The following DLGAP2 variants were observed in gnomAD, a reference collection of about 807,000 sequenced individuals.
DLGAP2 encodes the protein disks large-associated protein 2.
DLGAP2 carries 26 observed loss-of-function variants against 100.3 expected under a neutral mutation model. That is an observed-to-expected ratio of 0.26 (90% CI 0.19 to 0.36). The LOEUF (loss-of-function observed/expected upper bound fraction) is 0.36. DLGAP2 is among the 10% of genes least tolerant of loss of function. The pLI, the probability that DLGAP2 is intolerant of heterozygous loss-of-function variation, is 1.00. For synonymous variants in DLGAP2, 886 were observed against 630.1 expected (o/e 1.41, Z -6.08); for missense variants, 1,858 against 1,453.2 (o/e 1.28, Z -4.53).
intron 3 of DLGAP2, among the ~76,000 whole-genome samples, chr8:1,484,026 C>T (rs916968986): frequency 6.6e-6 from 1 of 152,226 alleles, no homozygotes; most frequent in Non-Finnish European, 1.5e-5. Flanking sequence ...AAACACTGTT[C>T]TAGGAAGAGG....
intron 4 of DLGAP2, 51 bp from the exon 5 acceptor site, chr8:1,548,575 G>C: frequency 7.0e-7 from 1 of 1,431,600 alleles, no homozygotes; most frequent in South Asian, 1.4e-5. Flanking sequence ...CCGCACCTGA[G>C]GGTTTCCGCC....
chr8:1,376,410 C>G (rs879406448), intron 3 of DLGAP2, among the ~76,000 whole-genome samples: 1 of 152,262 alleles, frequency 6.6e-6, no homozygotes, highest in Non-Finnish European at 1.5e-5. Context: ...AAGCGCCCCG[C>G]TGCATGGCCT....
At chr8:1,687,489 T>A (rs557748494) in intron 12 of DLGAP2, among the ~76,000 whole-genome samples, 1 of 152,322 alleles carries the variant, frequency 6.6e-6, no homozygotes, top group South Asian at 2.1e-4. Context: ...AGGAAGCTAC[T>A]TACATTATAG....
intron 2 of DLGAP2, among the ~76,000 whole-genome samples, chr8:1,028,088 TC>T: frequency 7.2e-6 from 1 of 139,676 alleles, no homozygotes; most frequent in Non-Finnish European, 1.5e-5. Flanking sequence ...CCCGTTATTC[TC>T]CAGGTGGGGT....
chr8:936,006 T>G (rs1157017735), intron 2 of DLGAP2, among the ~76,000 whole-genome samples: 2 of 152,178 alleles, frequency 1.3e-5, no homozygotes, highest in Non-Finnish European at 2.9e-5. Context: ...GGAAGTTCAT[T>G]AAAATGACCG....
At chr8:1,428,461 C>CTGGGG (rs943739496) in intron 3 of DLGAP2, among the ~76,000 whole-genome samples, 10 of 151,852 alleles carry the variant, frequency 6.6e-5, no homozygotes, top group African/African-American at 2.4e-4. Flanking sequence ...CCAGGGAATA[C>CTGGGG]AAAAGAGGGG....
intron 2 of DLGAP2, among the ~76,000 whole-genome samples, chr8:1,149,838 G>T (rs1372030545): frequency 6.6e-6 from 1 of 152,064 alleles, no homozygotes; most frequent in African/African-American, 2.4e-5. Flanking sequence ...AGTTCCTGAG[G>T]ATCACCACAG....
chr8:1,331,481 C>T (rs546835375), intron 3 of DLGAP2, among the ~76,000 whole-genome samples: 1 of 152,302 alleles, frequency 6.6e-6, no homozygotes, highest in South Asian at 2.1e-4. Flanking sequence ...ACTCCTCCTG[C>T]CCAGGGAAGC....
chr8:1,577,151 C>A (rs1329388619), intron 6 of DLGAP2, among the ~76,000 whole-genome samples: 11 of 152,190 alleles, frequency 7.2e-5, no homozygotes, highest in Non-Finnish European at 1.0e-4. Context: ...GTTCTCATCA[C>A]AAAAAATGTG....
chr8:1,052,792 TG>T (rs745489468), intron 2 of DLGAP2, among the ~76,000 whole-genome samples: 6 of 152,104 alleles, frequency 3.9e-5, no homozygotes, highest in Admixed American at 1.3e-4. Flanking sequence ...TAAGAGAGGC[TG>T]GGAGCATTTC....
intron 4 of DLGAP2, among the ~76,000 whole-genome samples, chr8:1,512,403 C>T (rs1584971586): frequency 1.3e-5 from 2 of 152,286 alleles, no homozygotes; most frequent in South Asian, 2.1e-4. Context: ...TGGAAATCGT[C>T]GGCGGCATAG....
chr8:1,484,493 G>C (rs1240088407), intron 3 of DLGAP2, among the ~76,000 whole-genome samples: 2 of 152,244 alleles, frequency 1.3e-5, no homozygotes, highest in East Asian at 3.9e-4. Context: ...CGCCGACCCA[G>C]GGTCCTCCAT....
intron 2 of DLGAP2, among the ~76,000 whole-genome samples, chr8:1,163,218 C>T (rs1290033881): frequency 4.6e-5 from 7 of 152,212 alleles, no homozygotes; most frequent in African/African-American, 1.2e-4. Context: ...GAAAAACTGA[C>T]GATGGCAGCT....
At chr8:1,065,187 G>T (rs966454853) in intron 2 of DLGAP2, among the ~76,000 whole-genome samples, 1 of 152,138 alleles carries the variant, frequency 6.6e-6, no homozygotes, top group Non-Finnish European at 1.5e-5. Flanking sequence ...CCCAGTGTTC[G>T]CTGAAGCTGT....
At chr8:917,402 C>G (rs1022071978) in intron 2 of DLGAP2, among the ~76,000 whole-genome samples, 1 of 152,068 alleles carries the variant, frequency 6.6e-6, no homozygotes, top group Non-Finnish European at 1.5e-5. Flanking sequence ...CCACACCCAG[C>G]TAATTTTTGA....
intron 1 of DLGAP2, among the ~76,000 whole-genome samples, chr8:871,588 C>A (rs141192357): frequency 6.6e-6 from 1 of 152,136 alleles, no homozygotes; most frequent in South Asian, 2.1e-4. Context: ...GCTTCCAAAA[C>A]CTTTAGAGAG....
chr8:1,032,971 G>C (rs927694561), intron 2 of DLGAP2: 3 of 152,280 alleles, frequency 2.0e-5, no homozygotes, highest in Non-Finnish European at 1.5e-5. Context: ...CTGGTGTTCA[G>C]ATACCCAAAG....
intron 3 of DLGAP2, among the ~76,000 whole-genome samples, chr8:1,325,812 C>G (rs1377679249): frequency 6.6e-6 from 1 of 152,210 alleles, no homozygotes; most frequent in Non-Finnish European, 1.5e-5. Context: ...TTGTCGTCAG[C>G]TCCTTTTGGA....
chr8:878,281 C>G (rs1257668829), intron 1 of DLGAP2, among the ~76,000 whole-genome samples: 2 of 152,056 alleles, frequency 1.3e-5, no homozygotes, highest in Admixed American at 6.6e-5. Flanking sequence ...GGATATAGAA[C>G]AGAGCTAGAG....
Sources: allele counts gnomAD v4.1 joint callset (sites outside exome capture counted in the v4.1 genomes callset), GRCh38; gene constraint gnomAD v4.1.1; transcripts MANE v1.5; gene names NCBI Gene and HGNC (gene_info 2026-07-23, HGNC 2026-07-21).